Variants in CSNK1A1 observed in about 807,000 individuals in gnomAD.
The protein encoded by CSNK1A1 is casein kinase 1 alpha 1, also known as casein kinase I isoform alpha.
In CSNK1A1, 7 loss-of-function variants were observed where a neutral mutation model predicts 46.1. The ratio of observed to expected loss-of-function variants is 0.15; its 90% CI spans 0.09 to 0.29. CSNK1A1 has a LOEUF of 0.29. CSNK1A1 is among the 10% of genes least tolerant of loss of function. The pLI, the probability that CSNK1A1 is intolerant of heterozygous loss-of-function variation, is 1.00. For missense variants in CSNK1A1, 96 were observed against 417.1 expected, an observed-to-expected ratio of 0.23 and a Z score of 6.71; for synonymous variants, 137 against 141.5, an observed-to-expected ratio of 0.97 and a Z score of 0.23.
At chr5:149,508,954 G>A (rs112355953) in intron 7 of CSNK1A1, among the ~76,000 whole-genome samples, 1 of 151,936 alleles carries the variant, frequency 6.6e-6, no homozygotes, top group Non-Finnish European at 1.5e-5. Flanking sequence ...TTGAGACAGG[G>A]TCTCACTCTG....
At chr5:149,505,922 T>A (rs960532115) in intron 8 of CSNK1A1, among the ~76,000 whole-genome samples, 1 of 152,044 alleles carries the variant, frequency 6.6e-6, no homozygotes, top group Non-Finnish European at 1.5e-5. Context: ...AAAGATTACC[T>A]GAATTCTCTC....
chr5:149,545,687 G>A, intron 2 of CSNK1A1: 1 of 790,878 alleles, frequency 1.3e-6, no homozygotes, highest in Non-Finnish European at 2.1e-6. Flanking sequence ...ATCTTCTTTA[G>A]GCCCTTCTTG....
chr5:149,546,094 A>AAAC (rs756783498), intron 2 of CSNK1A1, among the ~76,000 whole-genome samples: 1 of 147,692 alleles, frequency 6.8e-6, no homozygotes, highest in Non-Finnish European at 1.5e-5. Flanking sequence ...ACAGGGTTTC[A>AAAC]CCTGTCTCTA....
chr5:149,549,955 A>G, intron 2 of CSNK1A1, 120 bp downstream of exon 2: 1 of 1,196,084 alleles, frequency 8.4e-7, no homozygotes, highest in Non-Finnish European at 1.2e-6. Flanking sequence ...CACCAGCTAT[A>G]GGGAACCCAG....
chr5:149,513,699 A>C (rs1319187016), intron 4 of CSNK1A1, among the ~76,000 whole-genome samples: 5 of 152,140 alleles, frequency 3.3e-5, no homozygotes, highest in Non-Finnish European at 7.4e-5. Flanking sequence ...CAGGAGTTCA[A>C]GACCAGCCTG....
chr5:149,534,987 G>A (rs909188120), intron 2 of CSNK1A1, among the ~76,000 whole-genome samples: 1 of 151,028 alleles, frequency 6.6e-6, no homozygotes, highest in African/African-American at 2.4e-5. Context: ...TATGGCCTCT[G>A]CTTATCCTTT....
chr5:149,502,234 T>C, intron 9 of CSNK1A1: 1 of 945,854 alleles, frequency 1.1e-6, no homozygotes. Flanking sequence ...TTGGGGATTT[T>C]CCTACATTAG....
chr5:149,503,450 G>T (rs914717387), intron 9 of CSNK1A1: 1 of 985,250 alleles, frequency 1.0e-6, no homozygotes, highest in African/African-American at 1.7e-5. Flanking sequence ...GTACTGCCTT[G>T]GAAGTGTATT....
chr5:149,504,671 CCCCAGTTA>C, intron 9 of CSNK1A1: 1 of 985,426 alleles, frequency 1.0e-6, no homozygotes, highest in African/African-American at 1.7e-5. Flanking sequence ...ATGGCATTTG[CCCCAGTTA>C]CCTTCAATTT....
chr5:149,514,893 A>G (rs986350907), intron 4 of CSNK1A1, among the ~76,000 whole-genome samples: 4 of 152,204 alleles, frequency 2.6e-5, no homozygotes, highest in Non-Finnish European at 5.9e-5. Flanking sequence ...AAGACTCTCA[A>G]AGTAAAAAGA....
At chr5:149,507,320 C>T (rs1761064621) in intron 7 of CSNK1A1, among the ~76,000 whole-genome samples, 187 bp from the exon 8 acceptor site, 1 of 152,152 alleles carries the variant, frequency 6.6e-6, no homozygotes, top group Admixed American at 6.5e-5. Flanking sequence ...ACCCTACCTA[C>T]CCTATTATGT....
rs762084063 is a variant in CSNK1A1 at position 149,511,773 on chromosome 5, GATA to G, written c.675+18_675+20del. 7.9e-6 allele frequency: 12 copies of G among 1,514,064 alleles called. No individual in the cohort carries two copies. Among genetic ancestry groups the G allele is most frequent in the Non-Finnish European group, 1.1e-5 (12 of 1,103,056 alleles). The allele number at this position is 1,514,064 out of a possible 1,614,324, so 93.8% of individuals were successfully genotyped here. Reference sequence around the variant, plus strand: ...TTCTAAAAAAGAGAGAGAAAAATCTGATAATGTGAGTCTGGTTTACCTTTAGCC... The same window carrying G: ...TTCTAAAAAAGAGAGAGAAAAATCTGATGTGAGTCTGGTTTACCTTTAGCC... On this transcript the variant is annotated intron_variant, in intron 6 of 9. Coordinates refer to ENST00000377843, the MANE Select transcript of CSNK1A1 (RefSeq NM_001892.6).
chr5:149,524,556 A>C (rs1275927008), intron 3 of CSNK1A1, among the ~76,000 whole-genome samples: 1 of 152,182 alleles, frequency 6.6e-6, no homozygotes, highest in African/African-American at 2.4e-5. Flanking sequence ...CTTAAGTAAC[A>C]CAAATGGTTG....
chr5:149,528,442 A>T (rs543109488), intron 2 of CSNK1A1, among the ~76,000 whole-genome samples: 31 of 152,280 alleles, frequency 2.0e-4, no homozygotes, highest in Admixed American at 1.1e-3. Context: ...TAATTCTCTA[A>T]AGCTAGAACG....
intron 4 of CSNK1A1, among the ~76,000 whole-genome samples, chr5:149,514,383 C>T (rs1761333690): frequency 6.6e-6 from 1 of 152,106 alleles, no homozygotes; most frequent in African/African-American, 2.4e-5. Flanking sequence ...TATTTACCTA[C>T]CATATGAAAA....
intron 8 of CSNK1A1, among the ~76,000 whole-genome samples, chr5:149,506,418 G>A (rs1476351462): frequency 1.3e-5 from 2 of 151,746 alleles, no homozygotes; most frequent in African/African-American, 4.8e-5. Context: ...TGTATTTTTA[G>A]TAAAGATGGG....
In CSNK1A1 at chr5:149,511,166, A is replaced by C. The variant is rs1316027341; in HGVS notation, c.675+628T>G. Reference sequence around the variant, plus strand: ...CACAGTGAGGCACTGTCTCTACAAAAAATAATTTAAAAATTAGCTGGGCAT... The same window carrying C: ...CACAGTGAGGCACTGTCTCTACAAACAATAATTTAAAAATTAGCTGGGCAT... On this transcript the variant is annotated intron_variant, in intron 6 of 9. Coordinates refer to ENST00000377843, the MANE Select transcript of CSNK1A1 (RefSeq NM_001892.6). Among the ~76,000 whole-genome samples the C allele has an allele frequency of 3.9e-5, 6 of 152,218 alleles. No homozygotes were observed. The East Asian group carries it at 1.2e-3, about 29-fold the overall frequency.
At chr5:149,544,219 C>T (rs1029185452) in intron 2 of CSNK1A1, among the ~76,000 whole-genome samples, 2 of 152,142 alleles carry the variant, frequency 1.3e-5, no homozygotes, top group African/African-American at 4.8e-5. Flanking sequence ...TTAGAACAAT[C>T]CTTTTTTTAT....
chr5:149,506,133 G>C (rs1347810744), intron 8 of CSNK1A1, among the ~76,000 whole-genome samples: 2 of 152,116 alleles, frequency 1.3e-5, no homozygotes, highest in Admixed American at 1.3e-4. Context: ...CACCATGTTG[G>C]CCAGGCTGGT....
Sources: gnomAD v4.1 joint callset for allele counts (sites outside exome capture counted in the v4.1 genomes callset) on GRCh38, gnomAD v4.1.1 for gene constraint, MANE v1.5 for transcripts, NCBI Gene and HGNC (gene_info 2026-07-23, HGNC 2026-07-21) for gene names.